The following KLHL3 variants were observed in gnomAD, a reference collection of about 807,000 sequenced individuals.
The protein encoded by KLHL3 is kelch-like protein 3.
In KLHL3, 19 loss-of-function variants were observed where a neutral mutation model predicts 70.5. The observed-to-expected ratio is 0.27, with a 90% CI of 0.19 to 0.40. The LOEUF is 0.40. KLHL3 is among the 10% of genes least tolerant of loss of function. The probability of loss-of-function intolerance (pLI) is 1.00; values close to 1 mark genes in which losing one functional copy is unlikely to be tolerated. For missense variants in KLHL3, 512 were observed against 771.1 expected (o/e 0.66, Z 3.98); for synonymous variants, 258 against 290.3 (o/e 0.89, Z 1.13).
intron 7 of KLHL3, chr5:137,661,375 C>A (rs1751470187): frequency 1.3e-5 from 2 of 152,236 alleles, no homozygotes; most frequent in African/African-American, 4.8e-5. Flanking sequence ...CTTAATTTTT[C>A]TTTCCTTTTC....
chr5:137,664,264 T>C (rs950468292), intron 6 of KLHL3, among the ~76,000 whole-genome samples: 2 of 151,554 alleles, frequency 1.3e-5, no homozygotes, highest in African/African-American at 4.9e-5. Flanking sequence ...GTGGGAGAAC[T>C]GCTTGAGCCT....
rs1215063936 is a variant in KLHL3, at chr5:137,627,474, A to ACCCCCCCCCCC, written c.1591+822_1591+823insGGGGGGGGGGG. ...GGCAATGAGTAAATTAGTAAATATC[A>ACCCCCCCCCCC]CCACCCCCCCCCCCGGTTTACACTT... On this transcript the variant is annotated intron_variant, in intron 13 of 14. Transcript: ENST00000309755. Among the ~76,000 whole-genome samples the ACCCCCCCCCCC allele has an allele frequency of 1.5e-4, 8 of 53,106 alleles. 1 individual carries two copies. Among genetic ancestry groups the ACCCCCCCCCCC allele is most frequent in the African/African-American group, 2.1e-4 (4 of 18,656 alleles). The allele number at this position is 53,106 out of a possible 152,430, so 34.8% of individuals were successfully genotyped here.
Position 137,666,601 on chromosome 5 carries a change from T to C in KLHL3, c.637-4570A>G, listed in dbSNP as rs143355876. Among the ~76,000 whole-genome samples, 764 of 152,334 alleles carry C rather than the reference T, an allele frequency of 5.0e-3. 1 individual carries two copies. Among genetic ancestry groups the C allele is most frequent in the Non-Finnish European group, 9.2e-3 (627 of 68,014 alleles). ...AAAAAGCAAGCTGAATCTACCAAAG[T>C]CGATATTTAACCTTATCTTTATTTT... On this transcript the variant is annotated intron_variant, in intron 6 of 14. Transcript: ENST00000309755.
chr5:137,648,281 C>A (rs959126592), intron 8 of KLHL3, among the ~76,000 whole-genome samples: 42 of 152,224 alleles, frequency 2.8e-4, no homozygotes, highest in Non-Finnish European at 4.6e-4. Flanking sequence ...CCCATCCACC[C>A]TGTCAACAGC....
At chr5:137,626,688 C>T (rs922157227) in intron 13 of KLHL3, among the ~76,000 whole-genome samples, 1 of 152,186 alleles carries the variant, frequency 6.6e-6, no homozygotes, top group African/African-American at 2.4e-5. Flanking sequence ...GTCTAAAATA[C>T]ATGTGCTTCC....
At chr5:137,724,537 A>T (rs1374931924) in intron 1 of KLHL3, among the ~76,000 whole-genome samples, 1 of 152,194 alleles carries the variant, frequency 6.6e-6, no homozygotes, top group Non-Finnish European at 1.5e-5. Context: ...ACAAAATATA[A>T]TTCACACTAG....
At chr5:137,649,298 T>A (rs929805344) in intron 8 of KLHL3, among the ~76,000 whole-genome samples, 15 of 152,350 alleles carry the variant, frequency 9.8e-5, no homozygotes, top group Admixed American at 4.6e-4. Flanking sequence ...ATTTTGACAT[T>A]AGGTTATAAA....
chr5:137,628,265 C>G, intron 13 of KLHL3, 32 bp downstream of exon 13: 1 of 1,612,720 alleles, frequency 6.2e-7, no homozygotes, highest in Non-Finnish European at 8.5e-7. Context: ...GCACACAACC[C>G]CCAAAGGGGA....
chr5:137,701,862 C>T (rs1009875395), intron 3 of KLHL3, among the ~76,000 whole-genome samples: 1 of 152,246 alleles, frequency 6.6e-6, no homozygotes, highest in African/African-American at 2.4e-5. Context: ...GAGGCCCAGA[C>T]AGCCACCTCA....
intron 1 of KLHL3, among the ~76,000 whole-genome samples, chr5:137,727,774 T>C (rs1356242926): frequency 1.3e-5 from 2 of 152,194 alleles, no homozygotes; most frequent in Non-Finnish European, 2.9e-5. Context: ...CCCACAGTAC[T>C]GTGCTTCCTT....
At chr5:137,685,167 C>T (rs963183627) in intron 5 of KLHL3, among the ~76,000 whole-genome samples, 15 of 152,216 alleles carry the variant, frequency 9.9e-5, no homozygotes, top group Admixed American at 1.3e-4. Flanking sequence ...AATGTACATT[C>T]TCTTTGATCC....
At chr5:137,647,437 C>CATTAA in intron 8 of KLHL3, 1 of 361,012 alleles carries the variant, frequency 2.8e-6, no homozygotes, top group Non-Finnish European at 5.8e-6. Flanking sequence ...GCCCTGGCCT[C>CATTAA]AGGACTACAT....
At chr5:137,676,489 A>C (rs1751887495) in intron 6 of KLHL3, among the ~76,000 whole-genome samples, 1 of 152,188 alleles carries the variant, frequency 6.6e-6, no homozygotes, top group African/African-American at 2.4e-5. Flanking sequence ...TCAGCTCAGA[A>C]CTAAATATGT....
At chr5:137,640,739 C>T (rs796856691) in intron 8 of KLHL3, among the ~76,000 whole-genome samples, 4 of 151,962 alleles carry the variant, frequency 2.6e-5, no homozygotes, top group Admixed American at 2.0e-4. Context: ...AGCCACCCCC[C>T]CCAACTCCTG....
chr5:137,712,478 G>A (rs1433619236), intron 2 of KLHL3, among the ~76,000 whole-genome samples: 4 of 152,198 alleles, frequency 2.6e-5, no homozygotes, highest in African/African-American at 9.7e-5. Context: ...AAAGAAACTT[G>A]CCAAATAGTT....
chr5:137,660,320 T>C (rs940724030), intron 7 of KLHL3, among the ~76,000 whole-genome samples: 1 of 152,170 alleles, frequency 6.6e-6, no homozygotes, highest in Non-Finnish European at 1.5e-5. Context: ...AAGGCCACTT[T>C]AGCTTTCTCT....
At chr5:137,701,393 A>G (rs2149923953) in intron 3 of KLHL3, among the ~76,000 whole-genome samples, 1 of 152,318 alleles carries the variant, frequency 6.6e-6, no homozygotes, top group Non-Finnish European at 1.5e-5. Context: ...ACTAAGAGGC[A>G]GGACTGAGAT....
intron 2 of KLHL3, among the ~76,000 whole-genome samples, chr5:137,713,973 C>G (rs989161968): frequency 6.6e-6 from 1 of 151,748 alleles, no homozygotes; most frequent in Non-Finnish European, 1.5e-5. Context: ...GTGCTGCACC[C>G]ATTAACTCGT....
intron 8 of KLHL3, 118 bp downstream of exon 8, chr5:137,658,013 G>A: frequency 3.0e-6 from 3 of 984,324 alleles, no homozygotes; most frequent in Non-Finnish European, 4.6e-6. Flanking sequence ...CTCCTAGGTT[G>A]TAAATGCAAC....
Sources: allele counts gnomAD v4.1 joint callset (sites outside exome capture counted in the v4.1 genomes callset), GRCh38; gene constraint gnomAD v4.1.1; transcripts MANE v1.5; gene names NCBI Gene and HGNC (gene_info 2026-07-23, HGNC 2026-07-21).